ADGRF1: variants seen among roughly 807,000 people sequenced by gnomAD.
The protein encoded by ADGRF1 is adhesion G protein-coupled receptor F1.
ADGRF1 carries 85 observed loss-of-function variants against 87.2 expected under a neutral mutation model. That is an observed-to-expected ratio of 0.97 (90% confidence interval 0.82 to 1.17). ADGRF1 has a LOEUF of 1.17. Among genes scored for constraint, ADGRF1 ranks in the 50% most tolerant of loss-of-function variants. ADGRF1 has a pLI of 0.00. For missense variants in ADGRF1, 1,169 were observed against 1,077.2 expected (o/e 1.09, Z -1.19); for synonymous variants, 430 against 408.8 (o/e 1.05, Z -0.63).
intron 10 of ADGRF1, 129 bp downstream of exon 10, chr6:47,011,878 T>G: frequency 1.3e-6 from 1 of 787,320 alleles, no homozygotes; most frequent in Non-Finnish European, 2.0e-6. Flanking sequence ...GAGGAAGCAG[T>G]AAAGTTCACA....
In ADGRF1 at chr6:47,024,388, C is replaced by A. The variant is rs911353085; in HGVS notation, c.278-171G>T. 7.4e-6 allele frequency: 4 copies of A among 538,622 alleles called. No homozygotes were observed. The African/African-American group carries it at 7.6e-5, about 10-fold the overall frequency. The allele number at this position is 538,622 out of a possible 1,614,324, so 33.4% of individuals were successfully genotyped here. On this transcript the variant is annotated intron_variant, in intron 4 of 14. Transcript: ENST00000371253. ...AGAATACAGTGGCATGATCTCAGCT[C>A]ACTGCAACCTCTGCCTCCTGGGTTC...
chr6:47,009,553 C>T lies in ADGRF1; in HGVS notation c.1882G>A (p.Val628Met). Residue 628 changes from valine (V) to methionine (M), a missense_variant, in exon 11 of 15, where the codon GTG becomes ATG. By Grantham distance (21) the Val-to-Met change is conservative. Transcript: ENST00000371253. ...ATCAAGAGGGACAGGGCTATGTTCA[C>T]CATGCAAATACGACGTGTGTGAGAG... The part of the protein sequence containing the change: ...QTSHTRRICM[V>M]NIALSLLIAD... 1.2e-6 allele frequency: 2 copies of T among 1,614,114 alleles called. No individual in the cohort carries two copies. Among genetic ancestry groups the T allele is most frequent in the South Asian group, 2.2e-5 (2 of 91,066 alleles).
chr6:47,012,770 G>T (rs1012392618), intron 9 of ADGRF1: 7 of 984,952 alleles, frequency 7.1e-6, no homozygotes, highest in African/African-American at 3.5e-5. Flanking sequence ...CACAAGATTT[G>T]TTTTTTTTAT....
At chr6:47,008,775 T>C (rs533186039) in intron 11 of ADGRF1, among the ~76,000 whole-genome samples, 170 bp downstream of exon 11, 31 of 152,370 alleles carry the variant, frequency 2.0e-4, no homozygotes, top group African/African-American at 7.2e-4. Context: ...AGTATGATAG[T>C]AACTAAGTAA....
intron 6 of ADGRF1, among the ~76,000 whole-genome samples, chr6:47,021,503 G>C (rs1201904866): frequency 6.6e-6 from 1 of 152,040 alleles, no homozygotes; most frequent in African/African-American, 2.4e-5. Context: ...GGGATTACAG[G>C]TGTATGTCAC....
At chr6:47,002,334 C>A (rs1470894315) in intron 13 of ADGRF1, among the ~76,000 whole-genome samples, 6 of 151,756 alleles carry the variant, frequency 4.0e-5, no homozygotes, top group Admixed American at 6.6e-5. Context: ...AGTAGATAGA[C>A]CAGTGATAGT....
intron 1 of ADGRF1, among the ~76,000 whole-genome samples, chr6:47,034,070 C>T (rs928582204): frequency 6.6e-6 from 1 of 152,180 alleles, no homozygotes; most frequent in African/African-American, 2.4e-5. Flanking sequence ...ATAAACACAG[C>T]AGGAAGAGGT....
At chr6:47,008,842 G>T in intron 11 of ADGRF1, 103 bp downstream of exon 11, 1 of 958,296 alleles carries the variant, frequency 1.0e-6, no homozygotes. Flanking sequence ...GGTCTTGCTG[G>T]AGGCAGGGAG....
intron 9 of ADGRF1, chr6:47,012,948 TC>T: frequency 1.7e-6 from 1 of 600,590 alleles, no homozygotes. Context: ...TGTTTTTGTA[TC>T]CTTAGTAGAA....
rs1288531362 is a variant in ADGRF1 at position 47,010,130 on chromosome 6, T to G, written c.1305A>C (p.Pro435=). The change falls in exon 11 of 15, where the codon CCA becomes CCC. Residue 435 remains proline (P), a synonymous_variant. Transcript: ENST00000371253. ...SRKFIDWKGI[P]VNKSQLKRGY... is the part of the protein sequence containing the mutation. ...CCCTTTTGAGTTGGCTTTTGTTCAC[T>G]GGAATCCCTTTCCAGTCAATGAATT... is the stretch of plus-strand genomic sequence containing the variant. The G allele has an allele frequency of 6.2e-7, 1 of 1,614,186 alleles. No individual in the cohort carries two copies.
chr6:47,019,695 A>AAAG lies in ADGRF1; in HGVS notation c.611+1035_611+1036insCTT. On this transcript the variant is annotated intron_variant, in intron 7 of 14. Transcript: ENST00000371253. ...CGAGACTCCATCTCAAAAAAAAAAA[A>AAAG]AAAAGAAAAGAAAAGAAAAGAGAAA... The AAAG allele has an allele frequency of 5.3e-6, 5 of 936,056 alleles. No individual in the cohort carries two copies. The African/African-American group carries it at 5.3e-5, about 10-fold the overall frequency. 58.0% of individuals were successfully genotyped at this position (936,056 alleles called of 1,614,324 possible).
Position 47,009,707 on chromosome 6 carries a change from A to C in ADGRF1, c.1728T>G (p.Phe576Leu). The change falls in exon 11 of 15, where the codon TTT (phenylalanine) becomes TTG (leucine). Residue 576 changes from phenylalanine (F) to leucine (L), a missense_variant. Phe to Leu is a conservative substitution (Grantham distance 22). Transcript: ENST00000371253. ...CAACGGGGAAGATTGTAGAGGGGAC[A>C]AAAGGTGACATCAATATGGAGAAGG... ...LTSFSILMSPFVPSTIFPVVK... is the reference protein window; with the variant it reads ...LTSFSILMSPLVPSTIFPVVK... 8 of 1,614,200 alleles carry C rather than the reference A, an allele frequency of 5.0e-6. No homozygotes were observed. The highest frequency in any genetic ancestry group is 1.7e-5 in the Admixed American group (1 of 60,032).
chr6:47,006,538 T>C (rs1370203718), intron 12 of ADGRF1, among the ~76,000 whole-genome samples: 2 of 152,202 alleles, frequency 1.3e-5, no homozygotes, highest in Admixed American at 6.5e-5. Flanking sequence ...AATATTTTTA[T>C]TTCCATAGGT....
intron 12 of ADGRF1, among the ~76,000 whole-genome samples, 186 bp from the exon 13 acceptor site, chr6:47,006,062 G>A (rs1779518269): frequency 1.3e-5 from 2 of 152,102 alleles, no homozygotes. Context: ...CAAAACTAGA[G>A]TTCAACAAAG....
chr6:47,021,754 A>G (rs1338995951), intron 6 of ADGRF1, among the ~76,000 whole-genome samples: 1 of 152,224 alleles, frequency 6.6e-6, no homozygotes, highest in Non-Finnish European at 1.5e-5. Context: ...ACACAAGAGA[A>G]GTGCAAAGAA....
chr6:47,027,457 C>T (rs944783435), intron 3 of ADGRF1, among the ~76,000 whole-genome samples: 10 of 152,164 alleles, frequency 6.6e-5, no homozygotes, highest in Admixed American at 1.3e-4. Flanking sequence ...AGAATCAAGG[C>T]ACAGAAGAAA....
At position 47,024,233 on chromosome 6, in the gene ADGRF1, A is replaced by C. The variant is rs771708617; in HGVS notation, c.278-16T>G. On this transcript the variant is annotated splice_polypyrimidine_tract_variant and intron_variant, in intron 4 of 14. Transcript: ENST00000371253. ...CTGTTGCAGTCTGCACAAGAAATAG[A>C]ACTCAGTCTCATGGATTCTGGTTTA... The C allele has an allele frequency of 6.2e-7, 1 of 1,601,988 alleles. No homozygotes were observed. Among genetic ancestry groups the C allele is most frequent in the South Asian group, 1.1e-5 (1 of 90,100 alleles).
intron 1 of ADGRF1, among the ~76,000 whole-genome samples, chr6:47,029,354 A>G (rs570506827): frequency 3.9e-4 from 58 of 149,980 alleles, no homozygotes; most frequent in South Asian, 1.3e-3. Flanking sequence ...CTGACTAAAC[A>G]CAGGTTTTTT....
intron 7 of ADGRF1, chr6:47,020,428 A>C (rs1451847239): frequency 9.7e-7 from 1 of 1,028,666 alleles, no homozygotes; most frequent in Admixed American, 2.6e-5. Context: ...CCCGGTAGGC[A>C]GAGGTTGCAG....
Sources: allele counts gnomAD v4.1 joint callset (sites outside exome capture counted in the v4.1 genomes callset), GRCh38; gene constraint gnomAD v4.1.1; transcripts MANE v1.5; gene names NCBI Gene and HGNC (gene_info 2026-07-23, HGNC 2026-07-21).